MAP3K2: variants seen among roughly 807,000 people sequenced by gnomAD.
MAP3K2 encodes the protein mitogen-activated protein kinase kinase kinase 2.
Under a neutral mutation model 80.3 loss-of-function variants are expected in MAP3K2, and 24 were observed. That is an observed-to-expected ratio of 0.30 (90% CI 0.22 to 0.42). The LOEUF is 0.42. MAP3K2 is among the 10% of genes least tolerant of loss of function. The pLI, the probability that MAP3K2 is intolerant of heterozygous loss-of-function variation, is 1.00. For synonymous variants in MAP3K2, 244 were observed against 253.7 expected, an observed-to-expected ratio of 0.96 and a Z score of 0.36; for missense variants, 608 against 750.1, an observed-to-expected ratio of 0.81 and a Z score of 2.21.
At chr2:127,336,262 A>G (rs1686369720) in intron 4 of MAP3K2, among the ~76,000 whole-genome samples, 1 of 152,252 alleles carries the variant, frequency 6.6e-6, no homozygotes, top group African/African-American at 2.4e-5. Flanking sequence ...AGAGCAATGC[A>G]AAATGTTTAT....
chr2:127,350,688 G>A (rs1327161255), intron 1 of MAP3K2, among the ~76,000 whole-genome samples: 1 of 151,722 alleles, frequency 6.6e-6, no homozygotes. Flanking sequence ...AGTGTGATGA[G>A]GAATGAGTTA....
chr2:127,326,663 T>C, intron 8 of MAP3K2, 24 bp downstream of exon 8: 2 of 1,513,984 alleles, frequency 1.3e-6, no homozygotes, highest in East Asian at 4.9e-5. Context: ...TAAATTAAAT[T>C]TAAAAAATCA....
At chr2:127,367,917 AAATAT>A (rs1686999242) in intron 1 of MAP3K2, among the ~76,000 whole-genome samples, 1 of 152,252 alleles carries the variant, frequency 6.6e-6, no homozygotes, top group Non-Finnish European at 1.5e-5. Context: ...ATCTAAAATA[AAATAT>A]GACTTAGGAG....
chr2:127,349,149 GTTCCT>G (rs1175278829), intron 1 of MAP3K2, among the ~76,000 whole-genome samples: 4 of 149,490 alleles, frequency 2.7e-5, no homozygotes, highest in African/African-American at 7.4e-5. Flanking sequence ...ACAAGAAAGT[GTTCCT>G]TTCTTTTCTT....
At chr2:127,357,618 GAC>G (rs1369685005) in intron 1 of MAP3K2, among the ~76,000 whole-genome samples, 1 of 152,184 alleles carries the variant, frequency 6.6e-6, no homozygotes, top group African/African-American at 2.4e-5. Context: ...TAATAATCAA[GAC>G]AGTGTGTTAT....
chr2:127,315,904 G>A (rs1319748420), intron 14 of MAP3K2, among the ~76,000 whole-genome samples: 2 of 152,078 alleles, frequency 1.3e-5, no homozygotes, highest in African/African-American at 2.4e-5. Context: ...AGCCAACCCC[G>A]TCTCTACTAA....
At chr2:127,316,992 A>C (rs1685918599) in intron 14 of MAP3K2, 1 of 151,880 alleles carries the variant, frequency 6.6e-6, no homozygotes, top group South Asian at 2.1e-4. Flanking sequence ...AATTATAAAA[A>C]ATTTAAAACA....
intron 1 of MAP3K2, among the ~76,000 whole-genome samples, chr2:127,371,635 A>G (rs1687066683): frequency 1.3e-5 from 2 of 152,202 alleles, no homozygotes; most frequent in Non-Finnish European, 2.9e-5. Context: ...TTACACAAGC[A>G]TGTCAACTGG....
chr2:127,313,580 A>C (rs1042718189), intron 15 of MAP3K2, among the ~76,000 whole-genome samples: 1 of 152,244 alleles, frequency 6.6e-6, no homozygotes, highest in African/African-American at 2.4e-5. Flanking sequence ...AAGAGTCCCC[A>C]GCAAGACCAA....
At chr2:127,388,073 C>G (rs1310314349), upstream of MAP3K2, 2 of 984,022 alleles carry the variant, frequency 2.0e-6, no homozygotes, top group Non-Finnish European at 2.4e-6. Flanking sequence ...GCGCCCGGCC[C>G]AGGGGAGTGG....
At chr2:127,318,136 A>C (rs764013288) in intron 13 of MAP3K2, 33 bp downstream of exon 13, 2 of 1,529,120 alleles carry the variant, frequency 1.3e-6, no homozygotes, top group Admixed American at 4.3e-5. Flanking sequence ...GTTTCTTATA[A>C]TGTGACAAAG....
chr2:127,342,754 T>C (rs1175623503), intron 2 of MAP3K2, among the ~76,000 whole-genome samples: 1 of 152,198 alleles, frequency 6.6e-6, no homozygotes, highest in East Asian at 1.9e-4. Context: ...ACTAACATTA[T>C]ACCACAATAT....
chr2:127,386,255 C>G (rs1169912795), intron 1 of MAP3K2, among the ~76,000 whole-genome samples: 5 of 152,104 alleles, frequency 3.3e-5, no homozygotes, highest in Admixed American at 2.0e-4. Flanking sequence ...CTTATTTTTT[C>G]CTCTCACCAT....
intron 5 of MAP3K2, among the ~76,000 whole-genome samples, chr2:127,335,624 CAAGT>C (rs1686351359): frequency 6.6e-6 from 1 of 152,140 alleles, no homozygotes; most frequent in Non-Finnish European, 1.5e-5. Flanking sequence ...AGCAAAATTC[CAAGT>C]AATACATATA....
In MAP3K2 at chr2:127,364,950, A is replaced by C. The variant is rs544051366; in HGVS notation, c.-65-21756T>G. On this transcript the variant is annotated intron_variant, in intron 1 of 16. Coordinates refer to ENST00000682094, the MANE Select transcript of MAP3K2 (RefSeq NM_001371910.2). The surrounding 1 kb of genome is among the most constrained non-coding windows in gnomAD (Gnocchi z 4.1). ...TGAGACCGGCCTGGCCAACATGGCA[A>C]AACCCTGTCTCTACTAAAACTACAA... Among the ~76,000 whole-genome samples, 60 of 152,016 alleles carry C rather than the reference A, an allele frequency of 3.9e-4. No individual in the cohort carries two copies. The highest frequency in any genetic ancestry group is 8.8e-5 in the Non-Finnish European group (6 of 67,952).
intron 1 of MAP3K2, among the ~76,000 whole-genome samples, chr2:127,383,076 T>A (rs1032980406): frequency 2.6e-5 from 4 of 152,078 alleles, no homozygotes; most frequent in Non-Finnish European, 2.9e-5. Context: ...CAGGAGCAAG[T>A]GAGAGAGTGG....
chr2:127,312,307 A>G (rs1685822036), intron 15 of MAP3K2, among the ~76,000 whole-genome samples: 1 of 152,228 alleles, frequency 6.6e-6, no homozygotes, highest in Non-Finnish European at 1.5e-5. Flanking sequence ...TTCTTGAAAT[A>G]ATGAGTTGGT....
intron 1 of MAP3K2, among the ~76,000 whole-genome samples, chr2:127,371,045 A>T (rs1482276031): frequency 1.3e-5 from 2 of 152,248 alleles, no homozygotes; most frequent in Non-Finnish European, 2.9e-5. Flanking sequence ...AATCAGGTAC[A>T]TGAACCCATT....
chr2:127,335,852 T>A lies in MAP3K2; in HGVS notation c.264+18A>T. ...TTTTGAAGGTAAGATCTACTAAAGT[T>A]AAACTGTACATGTTTACCTCGTTAT... is the stretch of plus-strand genomic sequence containing the variant. On this transcript the variant is annotated intron_variant, in intron 5 of 16. Coordinates refer to ENST00000682094, the MANE Select transcript of MAP3K2 (RefSeq NM_001371910.2). The A allele has an allele frequency of 1.4e-6, 2 of 1,400,380 alleles. No individual in the cohort carries two copies. Among genetic ancestry groups the A allele is most frequent in the Non-Finnish European group, 2.0e-6 (2 of 1,012,754 alleles). 86.7% of individuals were successfully genotyped at this position (1,400,380 alleles called of 1,614,324 possible).
Sources: gnomAD v4.1 joint callset for allele counts (sites outside exome capture counted in the v4.1 genomes callset) on GRCh38, gnomAD v4.1.1 for gene constraint, Gnocchi (gnomAD v3.1) non-coding constraint, MANE v1.5 for transcripts, NCBI Gene and HGNC (gene_info 2026-07-23, HGNC 2026-07-21) for gene names.